The following MEPE variants were observed in gnomAD, a reference collection of about 807,000 sequenced individuals.
The protein encoded by MEPE is matrix, extracellular phosphoglycoprotein with ASARM motif (bone).
Under a neutral mutation model 7.3 loss-of-function variants are expected in MEPE, and 7 were observed. That is an observed-to-expected ratio of 0.95 (90% confidence interval 0.54 to 1.79). The LOEUF (loss-of-function observed/expected upper bound fraction) is 1.79, where lower values mean the gene tolerates loss of function less well. Among genes scored for constraint, MEPE ranks in the 40% most tolerant of loss-of-function variants. The pLI is 0.00. For missense variants in MEPE, 623 were observed against 628.2 expected, an observed-to-expected ratio of 0.99 and a Z score of 0.09; for synonymous variants, 214 against 213.1, an observed-to-expected ratio of 1.00 and a Z score of -0.04.
intron 3 of MEPE, among the ~76,000 whole-genome samples, chr4:87,844,432 C>T (rs1482687945): frequency 6.6e-6 from 1 of 152,102 alleles, no homozygotes. Flanking sequence ...CTTTTTCATC[C>T]CATTATTCTC....
chr4:87,838,208 GCA>G lies in MEPE; in HGVS notation c.55-415_55-414del, dbSNP rs1273215714. On this transcript the variant is annotated intron_variant, in intron 2 of 3. Transcript: ENST00000361056. Reference sequence around the variant, plus strand: ...CAGTTACTCAACTTATATAATTAATGCACACACACAATTTAAATCGTCAAACT... The same window carrying G: ...CAGTTACTCAACTTATATAATTAATGCACACACAATTTAAATCGTCAAACT... 1.6e-4 allele frequency among the ~76,000 whole-genome samples: 25 copies of G among 152,146 alleles called. 1 individual carries two copies. The highest frequency in any genetic ancestry group is 1.6e-3 in the Admixed American group (25 of 15,272).
intron 1 of MEPE, among the ~76,000 whole-genome samples, chr4:87,822,482 C>T (rs1214000637): frequency 6.6e-6 from 1 of 152,178 alleles, no homozygotes; most frequent in Non-Finnish European, 1.5e-5. Context: ...CACCACACTT[C>T]CACAGATTCA....
In MEPE at chr4:87,821,854, A is replaced by T. The variant is rs887363940; in HGVS notation, c.-13+383A>T. Among the ~76,000 whole-genome samples the T allele has an allele frequency of 1.1e-4, 16 of 152,146 alleles. No homozygotes were observed. In the South Asian group the frequency reaches 3.3e-3, roughly 32 times the overall value. ...CAAGAAGAGAAGTTAAAGACCCCTGAGCACCATAAAGCTGCAGGGGAGCCC... is the reference window on the plus strand; with the variant it reads ...CAAGAAGAGAAGTTAAAGACCCCTGTGCACCATAAAGCTGCAGGGGAGCCC... On this transcript the variant is annotated intron_variant, in intron 1 of 3. Coordinates refer to the MEPE transcript ENST00000424957.
chr4:87,828,997 G>C (rs1722535785), upstream of MEPE, among the ~76,000 whole-genome samples: 1 of 151,968 alleles, frequency 6.6e-6, no homozygotes, highest in Admixed American at 6.6e-5. Flanking sequence ...TTCAGTTATT[G>C]GTTCCTTAGA....
At position 87,845,535 on chromosome 4, in the gene MEPE, C is replaced by A. The variant is rs548626494; in HGVS notation, c.667C>A (p.Leu223Ile). Residue 223 changes from leucine to isoleucine, a missense_variant, in exon 4 of 4, where the codon CTA becomes ATA. Transcript: ENST00000361056. Reference sequence around the variant, plus strand: ...TCGTATTCAACACAACATTGACTACCTAAAACATCTCTCAAAAGTCAAAAA... The same window carrying A: ...TCGTATTCAACACAACATTGACTACATAAAACATCTCTCAAAAGTCAAAAA... ...THRIQHNIDY[L>I]KHLSKVKKIP... is the part of the protein sequence containing the mutation. 1.2e-6 allele frequency: 2 copies of A among 1,612,312 alleles called. No individual in the cohort carries two copies. Among genetic ancestry groups the A allele is most frequent in the African/African-American group, 1.3e-5 (1 of 74,768 alleles).
intron 2 of MEPE, among the ~76,000 whole-genome samples, chr4:87,836,919 C>T (rs182837901): frequency 1.3e-5 from 2 of 152,246 alleles, no homozygotes; most frequent in African/African-American, 4.8e-5. Flanking sequence ...TATAAAGAGT[C>T]CTATAAATAG....
upstream of MEPE, among the ~76,000 whole-genome samples, chr4:87,831,850 C>T (rs942594619): frequency 1.3e-5 from 2 of 152,062 alleles, no homozygotes; most frequent in African/African-American, 4.8e-5. Context: ...CTTATTTCTT[C>T]TTCCTGGAAT....
At chr4:87,833,295 T>A (rs1226454685) in intron 1 of MEPE, among the ~76,000 whole-genome samples, 1 of 152,188 alleles carries the variant, frequency 6.6e-6, no homozygotes, top group Non-Finnish European at 1.5e-5. Flanking sequence ...TTTTCTTCTA[T>A]CCCTTCACTT....
At position 87,843,249 on chromosome 4, in the gene MEPE, C is replaced by T. The variant is rs545824643; in HGVS notation, c.109-1728C>T. Among the ~76,000 whole-genome samples, 4 of 152,264 alleles carry T rather than the reference C, an allele frequency of 2.6e-5. No individual in the cohort carries two copies. The South Asian group carries it at 8.3e-4, about 32-fold the overall frequency. ...CCTTAATTTTTATTTTGTTAATCTC[C>T]TGTGAACTTTCACTAGCTCTTCATA... On this transcript the variant is annotated intron_variant, in intron 3 of 3. Transcript: ENST00000361056.
intron 1 of MEPE, among the ~76,000 whole-genome samples, chr4:87,824,417 G>C (rs919958009): frequency 9.2e-5 from 14 of 152,310 alleles, no homozygotes; most frequent in African/African-American, 2.9e-4. Flanking sequence ...TCCTGGAACT[G>C]TCAGAAACAT....
intron 2 of MEPE, among the ~76,000 whole-genome samples, chr4:87,835,791 G>A (rs916749226): frequency 4.6e-5 from 7 of 152,112 alleles, no homozygotes; most frequent in African/African-American, 1.7e-4. Context: ...CACCTCTCAC[G>A]GTGGAAAAAT....
chr4:87,840,049 C>T (rs1299659818), intron 3 of MEPE: 1 of 1,535,106 alleles, frequency 6.5e-7, no homozygotes, highest in South Asian at 1.2e-5. Context: ...TACTCATGGA[C>T]CTCAGGTGCC....
chr4:87,842,934 A>G (rs565626999), intron 3 of MEPE, among the ~76,000 whole-genome samples: 1 of 152,210 alleles, frequency 6.6e-6, no homozygotes, highest in African/African-American at 2.4e-5. Flanking sequence ...GTGATACCCA[A>G]TTCTCTATCT....
chr4:87,841,149 TA>T (rs1321916495), intron 3 of MEPE, among the ~76,000 whole-genome samples: 3 of 152,046 alleles, frequency 2.0e-5, no homozygotes, highest in Admixed American at 2.0e-4. Context: ...GCACCGAAAA[TA>T]AAACATAACT....
At chr4:87,840,405 T>C (rs947290329) in intron 3 of MEPE, among the ~76,000 whole-genome samples, 1 of 152,214 alleles carries the variant, frequency 6.6e-6, no homozygotes, top group Non-Finnish European at 1.5e-5. Flanking sequence ...CCAAATCTGG[T>C]TTTATTTCCC....
At position 87,842,664 on chromosome 4, in the gene MEPE, G is replaced by A. The variant is rs148124859; in HGVS notation, c.109-2313G>A. On this transcript the variant is annotated intron_variant, in intron 3 of 3. Coordinates refer to ENST00000361056, the MANE Select transcript of MEPE (RefSeq NM_020203.6). ...CTGGAGAAGAGAAAGCAGCCAGCGA[G>A]TTCGAAGGAACACTAAACTTTTTCA... Among the ~76,000 whole-genome samples, 126 of 152,264 alleles carry A rather than the reference G, an allele frequency of 8.3e-4. 1 individual carries two copies. The highest frequency in any genetic ancestry group is 4.6e-3 in the South Asian group (22 of 4,826).
intron 3 of MEPE, among the ~76,000 whole-genome samples, chr4:87,842,083 A>G (rs1336399956): frequency 6.6e-6 from 1 of 152,220 alleles, no homozygotes; most frequent in African/African-American, 2.4e-5. Flanking sequence ...AAGTAAAATA[A>G]TGCTCCCAAG....
At chr4:87,831,874 A>G (rs147269765), upstream of MEPE, among the ~76,000 whole-genome samples, 26 of 152,128 alleles carry the variant, frequency 1.7e-4, no homozygotes, top group Middle Eastern at 3.4e-3. Flanking sequence ...CTTCCCATAG[A>G]CAGTCATATG....
chr4:87,828,959 AT>A (rs946820408), upstream of MEPE, among the ~76,000 whole-genome samples: 122 of 151,974 alleles, frequency 8.0e-4, no homozygotes, highest in Middle Eastern at 6.8e-3. Context: ...GAAGATACAT[AT>A]TTTTTTTACA....
Sources: gnomAD v4.1 joint callset for allele counts (sites outside exome capture counted in the v4.1 genomes callset) on GRCh38, gnomAD v4.1.1 for gene constraint, MANE v1.5 for transcripts, NCBI Gene and HGNC (gene_info 2026-07-23, HGNC 2026-07-21) for gene names.